Variants in ZFP1 observed in about 807,000 individuals in gnomAD.
ZFP1 encodes the protein zinc finger protein 1 homolog.
ZFP1 carries 32 observed loss-of-function variants against 38.5 expected under a neutral mutation model. The ratio of observed to expected loss-of-function variants is 0.83; its 90% CI spans 0.63 to 1.12. ZFP1 has a LOEUF of 1.12. Among genes scored for constraint, ZFP1 ranks in the 50% most tolerant of loss-of-function variants. The pLI is 0.00. For missense variants in ZFP1, 616 were observed against 480.8 expected (o/e 1.28, Z -2.63); for synonymous variants, 245 against 168.8 (o/e 1.45, Z -3.50).
the ZFP1 span, among the ~76,000 whole-genome samples, chr16:75,122,995 C>G: frequency 6.6e-6 from 1 of 152,008 alleles, no homozygotes; most frequent in Non-Finnish European, 1.5e-5. Context: ...TAAATATAGA[C>G]AAACTCATAA....
At position 75,170,290 on chromosome 16, in the gene ZFP1, C is replaced by T. The variant is rs1371016011; in HGVS notation, c.1180C>T (p.Arg394Ter). 1.2e-6 allele frequency: 2 copies of T among 1,608,322 alleles called. No individual in the cohort carries two copies. Among genetic ancestry groups the T allele is most frequent in the South Asian group, 1.1e-5 (1 of 90,026 alleles). ...TGGGAAGGCCTTTAGCAGGAAGTCCCGACTCAGTGTCCATCAGAGAGTTCA... is the reference window on the plus strand; with the variant it reads ...TGGGAAGGCCTTTAGCAGGAAGTCCTGACTCAGTGTCCATCAGAGAGTTCA... ...ECGKAFSRKS[R>*]LSVHQRVHIG... The change falls in exon 4 of 4, where the codon CGA becomes TGA. Residue 394 changes from arginine (R) to a stop codon, truncating the protein, a stop_gained. Coordinates refer to ENST00000570010, the MANE Select transcript of ZFP1 (RefSeq NM_153688.4). LOFTEE classifies it high-confidence loss of function.
rs1361308056 is a variant in ZFP1, at chr16:75,169,866, G to A, written c.756G>A (p.Gln252=). Reference sequence around the variant, plus strand: ...AATGTGGAAAAGCTTTCACCCACCAGTCAAACCTCATTGTACACCAGAGAG... The same window carrying A: ...AATGTGGAAAAGCTTTCACCCACCAATCAAACCTCATTGTACACCAGAGAG... ...CPECGKAFTH[Q]SNLIVHQRAH... Residue 252 remains glutamine, a synonymous_variant, in exon 4 of 4, where the codon CAG becomes CAA. Transcript: ENST00000570010. 2 of 1,614,192 alleles carry A rather than the reference G, an allele frequency of 1.2e-6. No homozygotes were observed. Among genetic ancestry groups the A allele is most frequent in the Middle Eastern group, 1.6e-4 (1 of 6,062 alleles).
At chr16:75,161,824 A>C (rs1179878286) in intron 2 of ZFP1, among the ~76,000 whole-genome samples, 1 of 91,938 alleles carries the variant, frequency 1.1e-5, no homozygotes, top group African/African-American at 4.4e-5. Flanking sequence ...CTCACTTGTC[A>C]TCCAGGCTGG....
rs2038427674 is a variant in ZFP1 at position 75,171,419 on chromosome 16, T to C, written c.*1085T>C. 2 of 152,262 alleles carry C rather than the reference T, an allele frequency of 1.3e-5. No homozygotes were observed. Among genetic ancestry groups the C allele is most frequent in the African/African-American group, 4.8e-5 (2 of 41,476 alleles). 9.4% of individuals were successfully genotyped at this position (152,262 alleles called of 1,614,324 possible). A position where few individuals can be genotyped will look rare whatever the true frequency, so the allele number is the denominator to read the frequency against. ...TAAATTTTTACACTATTTTGTTGTT[T>C]AAAGGAGGCATTTCTACTTCCTTGA... On this transcript the variant is annotated 3_prime_UTR_variant, in exon 4 of 4. Coordinates refer to ENST00000570010, the MANE Select transcript of ZFP1 (RefSeq NM_153688.4).
the ZFP1 span, among the ~76,000 whole-genome samples, chr16:75,130,124 G>A: frequency 3.3e-5 from 5 of 151,978 alleles, no homozygotes; most frequent in Non-Finnish European, 7.4e-5. Flanking sequence ...AGCCTCTCCA[G>A]TAGCTAGCTG....
chr16:75,152,290 A>G (rs1409385258), intron 1 of ZFP1, among the ~76,000 whole-genome samples: 1 of 152,158 alleles, frequency 6.6e-6, no homozygotes, highest in African/African-American at 2.4e-5. Flanking sequence ...TTATGTCTTC[A>G]AATACTTCTT....
At chr16:75,135,444 A>G in the ZFP1 span, among the ~76,000 whole-genome samples, 1 of 152,168 alleles carries the variant, frequency 6.6e-6, no homozygotes, top group Non-Finnish European at 1.5e-5. Context: ...CATTCTGGAA[A>G]AGATAAAACC....
the ZFP1 span, among the ~76,000 whole-genome samples, chr16:75,120,886 A>G: frequency 1.3e-4 from 20 of 151,868 alleles, 2 homozygotes; most frequent in South Asian, 1.0e-3. Flanking sequence ...CAGCCTCCCA[A>G]AGTGCTGGGA....
chr16:75,146,994 A>G (rs1781919262), upstream of ZFP1, among the ~76,000 whole-genome samples: 1 of 150,758 alleles, frequency 6.6e-6, no homozygotes, highest in Non-Finnish European at 1.5e-5. Context: ...CATGAGGGAA[A>G]CTTAAATGTA....
intron 2 of ZFP1, among the ~76,000 whole-genome samples, chr16:75,158,533 G>A (rs760409088): frequency 2.0e-5 from 3 of 149,344 alleles, no homozygotes; most frequent in East Asian, 4.0e-4. Flanking sequence ...TTTTTTTGTC[G>A]TGATGAGATC....
At chr16:75,165,159 C>T (rs1232270298) in intron 2 of ZFP1, among the ~76,000 whole-genome samples, 1 of 151,944 alleles carries the variant, frequency 6.6e-6, no homozygotes, top group African/African-American at 2.4e-5. Context: ...GACGTGTTGC[C>T]TATGCCTGTT....
At chr16:75,145,945 G>C (rs146269688), upstream of ZFP1, among the ~76,000 whole-genome samples, 1 of 152,138 alleles carries the variant, frequency 6.6e-6, no homozygotes, top group South Asian at 2.1e-4. Context: ...TGCTAGAAGA[G>C]CATTAATTGT....
At chr16:75,156,033 T>G (rs1433406829) in intron 2 of ZFP1, among the ~76,000 whole-genome samples, 1 of 152,166 alleles carries the variant, frequency 6.6e-6, no homozygotes, top group Non-Finnish European at 1.5e-5. Context: ...CTAGCTAGTG[T>G]TAGCTAAGAA....
chr16:75,161,101 C>T (rs754569259), intron 2 of ZFP1, among the ~76,000 whole-genome samples: 26 of 152,092 alleles, frequency 1.7e-4, no homozygotes, highest in Non-Finnish European at 3.5e-4. Context: ...GAGTCTTGCT[C>T]TTGTTGCCCA....
the ZFP1 span, among the ~76,000 whole-genome samples, chr16:75,128,963 T>C: frequency 2.0e-5 from 3 of 152,098 alleles, no homozygotes; most frequent in South Asian, 6.2e-4. Flanking sequence ...GCTAATTTTG[T>C]ATTTTTAGTA....
the ZFP1 span, among the ~76,000 whole-genome samples, chr16:75,131,673 G>A: frequency 6.6e-6 from 1 of 152,028 alleles, no homozygotes; most frequent in South Asian, 2.1e-4. Context: ...CTCAAAAAAT[G>A]TCTATCTTGT....
intron 2 of ZFP1, among the ~76,000 whole-genome samples, chr16:75,154,783 T>C (rs567606409): frequency 4.6e-5 from 7 of 152,158 alleles, no homozygotes; most frequent in African/African-American, 1.7e-4. Flanking sequence ...TTAGCCATTT[T>C]ATTTATTTAT....
chr16:75,128,450 C>T, the ZFP1 span, among the ~76,000 whole-genome samples: 1 of 152,166 alleles, frequency 6.6e-6, no homozygotes, highest in Non-Finnish European at 1.5e-5. Flanking sequence ...CCAGTCCTAC[C>T]ATGATTTGTC....
upstream of ZFP1, among the ~76,000 whole-genome samples, chr16:75,146,214 G>A (rs1336053692): frequency 6.6e-6 from 1 of 150,960 alleles, no homozygotes; most frequent in African/African-American, 2.4e-5. Flanking sequence ...CCAGGCTGGA[G>A]TTCATTGGTG....
Sources: allele counts gnomAD v4.1 joint callset (sites outside exome capture counted in the v4.1 genomes callset), GRCh38; gene constraint gnomAD v4.1.1; transcripts MANE v1.5; gene names NCBI Gene and HGNC (gene_info 2026-07-23, HGNC 2026-07-21).